Variants in ARID4A observed in about 807,000 individuals in gnomAD.
ARID4A encodes the protein AT-rich interactive domain-containing protein 4A.
In ARID4A, 39 loss-of-function variants were observed where a neutral mutation model predicts 148.6. That is an observed-to-expected ratio of 0.26 (90% CI 0.20 to 0.34). The LOEUF (loss-of-function observed/expected upper bound fraction) is 0.34. ARID4A is among the 10% of genes least tolerant of loss of function. The pLI is 1.00. For missense variants in ARID4A, 1,265 were observed against 1,449.1 expected, an observed-to-expected ratio of 0.87 and a Z score of 2.06; for synonymous variants, 475 against 481.2, an observed-to-expected ratio of 0.99 and a Z score of 0.17.
intron 11 of ARID4A, among the ~76,000 whole-genome samples, chr14:58,344,067 CA>C (rs2034241416): frequency 6.6e-6 from 1 of 151,824 alleles, no homozygotes; most frequent in African/African-American, 2.4e-5. Context: ...AAGTCAAGTA[CA>C]GGGGCCATAC....
chr14:58,358,652 TAG>T (rs748341740), intron 17 of ARID4A, among the ~76,000 whole-genome samples: 1 of 152,140 alleles, frequency 6.6e-6, no homozygotes, highest in Non-Finnish European at 1.5e-5. Context: ...TTGGAAATAC[TAG>T]AGAGAGTGTT....
At chr14:58,314,580 C>G (rs2032278226) in intron 5 of ARID4A, among the ~76,000 whole-genome samples, 1 of 152,064 alleles carries the variant, frequency 6.6e-6, no homozygotes, top group African/African-American at 2.4e-5. Context: ...CACCTGCCAC[C>G]ATACCCAGCT....
chr14:58,306,723 C>T (rs1436168502), intron 5 of ARID4A, among the ~76,000 whole-genome samples: 2 of 152,100 alleles, frequency 1.3e-5, no homozygotes, highest in South Asian at 2.1e-4. Flanking sequence ...ACTGAAAATA[C>T]ACAAATTAGC....
intron 19 of ARID4A, among the ~76,000 whole-genome samples, chr14:58,361,509 A>T (rs1468165747): frequency 6.6e-6 from 1 of 152,216 alleles, no homozygotes; most frequent in Non-Finnish European, 1.5e-5. Context: ...CCAGCTACTG[A>T]TAAGCAATTT....
At chr14:58,337,331 C>T (rs1218581393) in intron 11 of ARID4A, among the ~76,000 whole-genome samples, 1 of 145,578 alleles carries the variant, frequency 6.9e-6, no homozygotes, top group Non-Finnish European at 1.5e-5. Flanking sequence ...AATGTTCTCT[C>T]CTCCTCTAGA....
At chr14:58,349,838 C>T (rs1055677104) in intron 15 of ARID4A, among the ~76,000 whole-genome samples, 11 of 152,054 alleles carry the variant, frequency 7.2e-5, no homozygotes, top group Non-Finnish European at 8.8e-5. Flanking sequence ...AGGCCGGGCA[C>T]GGTGGCTCAC....
intron 7 of ARID4A, among the ~76,000 whole-genome samples, chr14:58,320,629 A>G (rs2032819613): frequency 7.2e-6 from 1 of 138,656 alleles, no homozygotes; most frequent in African/African-American, 2.8e-5. Context: ...TTCCCCTGAG[A>G]CGGAGTCTCG....
chr14:58,333,895 A>G (rs1377589992), intron 11 of ARID4A, among the ~76,000 whole-genome samples: 1 of 152,156 alleles, frequency 6.6e-6, no homozygotes, highest in Non-Finnish European at 1.5e-5. Context: ...AAGTATATCT[A>G]ATAACTTAAG....
At chr14:58,359,013 A>G in intron 17 of ARID4A, 119 bp from the exon 18 acceptor site, 2 of 1,142,416 alleles carry the variant, frequency 1.8e-6, no homozygotes, top group East Asian at 2.7e-5. Context: ...ATTCTTGCCA[A>G]CACTAAGAAC....
Position 58,328,280 on chromosome 14 carries a change from A to G in ARID4A, c.626A>G (p.Asp209Gly). 1 of 1,605,314 alleles carries G rather than the reference A, an allele frequency of 6.2e-7. No homozygotes were observed. The highest frequency in any genetic ancestry group is 8.5e-7 in the Non-Finnish European group (1 of 1,172,494). The change falls in exon 9 of 24, where the codon GAT (aspartate) becomes GGT (glycine). Residue 209 changes from aspartate (D) to glycine (G), a missense_variant. Coordinates refer to ENST00000355431, the MANE Select transcript of ARID4A (RefSeq NM_002892.4). ...SCNDDITVKK[D>G]QCLVRSFIDS... Reference sequence around the variant, plus strand: ...AATGATGACATCACAGTGAAAAAGGATCAGTGTTTAGTTCGATCATTTATT... The same window carrying G: ...AATGATGACATCACAGTGAAAAAGGGTCAGTGTTTAGTTCGATCATTTATT...
chr14:58,329,599 A>C lies in ARID4A; in HGVS notation c.734A>C (p.Lys245Thr), dbSNP rs1364739777. Residue 245 changes from lysine (K) to threonine (T), a missense_variant, in exon 10 of 24, where the codon AAA becomes ACA. Lys to Thr is a moderately conservative substitution (Grantham distance 78). Around this residue, in one of 9 missense-constraint regions of ARID4A, gnomAD observed 249 missense variants for 277.2 expected, o/e 0.90. Transcript: ENST00000355431. ...LNLPESELST[K>T]PGLQKASIFL... Reference sequence around the variant, plus strand: ...CTACCGGAATCTGAGCTCTCCACTAAACCAGGTAAAATAAAGATGAATTAC... The same window carrying C: ...CTACCGGAATCTGAGCTCTCCACTACACCAGGTAAAATAAAGATGAATTAC... The C allele has an allele frequency of 6.3e-7, 1 of 1,595,702 alleles. No homozygotes were observed.
At chr14:58,311,359 G>T (rs768084188) in intron 5 of ARID4A, among the ~76,000 whole-genome samples, 10 of 152,148 alleles carry the variant, frequency 6.6e-5, no homozygotes, top group Non-Finnish European at 1.3e-4. Context: ...GTAATCATCA[G>T]GGAAATGCAA....
At position 58,299,339 on chromosome 14, in the gene ARID4A, G is replaced by A. The variant is rs571942953; in HGVS notation, c.-57-459G>A. 7.5e-4 allele frequency: 116 copies of A among 155,276 alleles called. 1 individual carries two copies. Among genetic ancestry groups the A allele is most frequent in the South Asian group, 5.5e-3 (28 of 5,122 alleles). 9.6% of individuals were successfully genotyped at this position (155,276 alleles called of 1,614,324 possible). A position where few individuals can be genotyped will look rare whatever the true frequency, so the allele number is the denominator to read the frequency against. On this transcript the variant is annotated intron_variant, in intron 1 of 23. Coordinates refer to ENST00000355431, the MANE Select transcript of ARID4A (RefSeq NM_002892.4). ...GAAGGAAGGAGAGCAATGGCGCCGTGACACTCCGCTGCCGCCACCGCGGGC... is the reference window on the plus strand; with the variant it reads ...GAAGGAAGGAGAGCAATGGCGCCGTAACACTCCGCTGCCGCCACCGCGGGC...
intron 11 of ARID4A, among the ~76,000 whole-genome samples, chr14:58,336,820 G>C (rs1293514317): frequency 2.0e-5 from 3 of 151,956 alleles, no homozygotes; most frequent in African/African-American, 7.3e-5. Context: ...TGAGAAAAGA[G>C]AGATTATGAA....
At position 58,347,655 on chromosome 14, in the gene ARID4A, A is replaced by G. The variant is rs575489323; in HGVS notation, c.1181A>G (p.Tyr394Cys). Residue 394 changes from tyrosine to cysteine, a missense_variant, in exon 15 of 24, where the codon TAT (tyrosine) becomes TGT (cysteine). Physicochemically the swap from Tyr to Cys is radical, Grantham distance 194 (BLOSUM62 -2). Around this residue, in one of 9 missense-constraint regions of ARID4A, gnomAD observed 205 missense variants for 196.9 expected, o/e 1.04. Transcript: ENST00000355431. Reference protein sequence around the residue: ...NVKTAYRKYLYGFEEYCRSAN... With the variant: ...NVKTAYRKYLCGFEEYCRSAN... ...AAATATTGTTTGTTTAGGTATCTCTATGGTTTTGAGGAGTACTGCCGTTCG... is the reference window on the plus strand; with the variant it reads ...AAATATTGTTTGTTTAGGTATCTCTGTGGTTTTGAGGAGTACTGCCGTTCG... 37 of 1,592,266 alleles carry G rather than the reference A, an allele frequency of 2.3e-5. No individual in the cohort carries two copies. Among genetic ancestry groups the G allele is most frequent in the East Asian group, 9.0e-5 (4 of 44,548 alleles).
At position 58,359,116 on chromosome 14, in the gene ARID4A, T is replaced by C; in HGVS notation, c.1854-16T>C. ...AAAGTTTGTACAAACTCTTTTTTTT[T>C]TTTTTTTTTTTTAAGGTATGATGAG... On this transcript the variant is annotated splice_polypyrimidine_tract_variant and intron_variant, in intron 17 of 23. Transcript: ENST00000355431. The C allele has an allele frequency of 6.6e-7, 1 of 1,524,810 alleles. No individual in the cohort carries two copies. The highest frequency in any genetic ancestry group is 8.7e-7 in the Non-Finnish European group (1 of 1,144,086). 94.5% of individuals were successfully genotyped at this position (1,524,810 alleles called of 1,614,324 possible).
At chr14:58,299,936 A>G (rs775970037) in intron 2 of ARID4A, 76 bp downstream of exon 2, 17 of 1,598,132 alleles carry the variant, frequency 1.1e-5, no homozygotes, top group Non-Finnish European at 1.4e-5. Flanking sequence ...GTGGAATGTC[A>G]TTTGTTTTGC....
In ARID4A at chr14:58,315,517, C is replaced by T; in HGVS notation, c.275-3025C>T. On this transcript the variant is annotated intron_variant, in intron 5 of 23. Coordinates refer to ENST00000355431, the MANE Select transcript of ARID4A (RefSeq NM_002892.4). Reference sequence around the variant, plus strand: ...TACATTCACATTTTCCTTTTTCATACCTCCATTTAAATGTGTGTGTGTGTC... The same window carrying T: ...TACATTCACATTTTCCTTTTTCATATCTCCATTTAAATGTGTGTGTGTGTC... Among the ~76,000 whole-genome samples the T allele has an allele frequency of 1.3e-5, 2 of 152,004 alleles. 1 individual carries two copies. The highest frequency in any genetic ancestry group is 6.3e-3 in the Middle Eastern group (2 of 316).
chr14:58,318,260 AG>A (rs1181592841), intron 5 of ARID4A, among the ~76,000 whole-genome samples: 1 of 152,168 alleles, frequency 6.6e-6, no homozygotes, highest in Non-Finnish European at 1.5e-5. Context: ...TGCTTTGACT[AG>A]GTTGCTAATG....
Sources: gnomAD v4.1 joint callset for allele counts (sites outside exome capture counted in the v4.1 genomes callset) on GRCh38, gnomAD v4.1.1 for gene constraint, gnomAD v4.1.1 regional missense constraint, MANE v1.5 for transcripts, NCBI Gene and HGNC (gene_info 2026-07-23, HGNC 2026-07-21) for gene names.